GCN1: variants seen among roughly 807,000 people sequenced by gnomAD.
GCN1 encodes GCN1 activator of EIF2AK4.
Under a neutral mutation model 288.4 loss-of-function variants are expected in GCN1, and 90 were observed. That is an observed-to-expected ratio of 0.31 (90% CI 0.26 to 0.37). The LOEUF is 0.37. Among genes scored for constraint, GCN1 ranks in the 10% least tolerant of loss-of-function variants. GCN1 has a pLI of 1.00. For missense variants in GCN1, 2,586 were observed against 3,419.9 expected, an observed-to-expected ratio of 0.76 and a Z score of 6.08; for synonymous variants, 1,386 against 1,420.2, an observed-to-expected ratio of 0.98 and a Z score of 0.54.
intron 38 of GCN1, 123 bp downstream of exon 38, chr12:120,146,929 C>T (rs1877381728): frequency 1.8e-6 from 1 of 549,346 alleles, no homozygotes; most frequent in Admixed American, 3.6e-5. Context: ...CATTTCTCCC[C>T]ATAAAAATAA....
rs1877726988 is a variant in GCN1, at chr12:120,155,776, C to T, written c.3313-57G>A. On this transcript the variant is annotated intron_variant, in intron 28 of 57. Coordinates refer to ENST00000300648, the MANE Select transcript of GCN1 (RefSeq NM_006836.2). This position sits in a 1 kb window ranked among gnomAD's most constrained non-coding sequence, Gnocchi z 4.9. ...ATCATCTTTCAGAAGAGCCTCTGAC[C>T]TGCCTCCTCACCTCTCTCTAGGTTG... 3.2e-6 allele frequency: 5 copies of T among 1,583,302 alleles called. No individual in the cohort carries two copies. In the Admixed American group the frequency reaches 6.7e-5, roughly 21 times the overall value.
Position 120,156,796 on chromosome 12 carries a change from T to A in GCN1, c.3168+116A>T. The A allele has an allele frequency of 1.1e-6, 1 of 951,206 alleles. No homozygotes were observed. Among genetic ancestry groups the A allele is most frequent in the Non-Finnish European group, 1.7e-6 (1 of 594,556 alleles). The allele number at this position is 951,206 out of a possible 1,614,324, so 58.9% of individuals were successfully genotyped here. A position where few individuals can be genotyped will look rare whatever the true frequency, so the allele number is the denominator to read the frequency against. On this transcript the variant is annotated intron_variant, in intron 27 of 57. Transcript: ENST00000300648. This position sits in a 1 kb window ranked among gnomAD's most constrained non-coding sequence, Gnocchi z 5.8. ...GGCTGGCTCTCTAAAGCAGTCTTTC[T>A]ACCAAAGTCCAAAAGTAAGGGCTGA... is the stretch of plus-strand genomic sequence containing the variant.
intron 16 of GCN1, among the ~76,000 whole-genome samples, chr12:120,167,096 T>C (rs1878154511): frequency 6.6e-6 from 1 of 151,732 alleles, no homozygotes; most frequent in Non-Finnish European, 1.5e-5. Flanking sequence ...TCCCAGCACT[T>C]TGGGAGGCCG....
chr12:120,173,624 C>T (rs759637500), intron 14 of GCN1, 29 bp downstream of exon 14: 25 of 1,445,502 alleles, frequency 1.7e-5, no homozygotes, highest in Non-Finnish European at 2.1e-5. Context: ...GCAAGGAGAC[C>T]TGGACACTAG....
intron 12 of GCN1, 44 bp from the exon 13 acceptor site, chr12:120,174,213 C>G: frequency 8.8e-7 from 1 of 1,132,252 alleles, no homozygotes; most frequent in South Asian, 1.2e-5. Flanking sequence ...AGCACAGAAC[C>G]ACAGAGGCAA....
At chr12:120,161,196 A>G in intron 22 of GCN1, among the ~76,000 whole-genome samples, 1 of 152,166 alleles carries the variant, frequency 6.6e-6, no homozygotes, top group East Asian at 1.9e-4. Flanking sequence ...TCTTCAAGGA[A>G]GTGGAGGGAC....
chr12:120,184,639 T>C (rs1878765755), intron 3 of GCN1, among the ~76,000 whole-genome samples, 185 bp downstream of exon 3: 1 of 152,140 alleles, frequency 6.6e-6, no homozygotes, highest in Non-Finnish European at 1.5e-5. Context: ...ACCATCCCCA[T>C]TCTGCAGACA....
Position 120,142,158 on chromosome 12 carries a change from CTACTAAAA to C in GCN1, c.5829+341_5829+348del, listed in dbSNP as rs1351304267. Reference sequence around the variant, plus strand: ...TGGCTAACGTGCTGAAACCCCGTCTCTACTAAAAATATAAAAAAATGGCCAGGTGTGGT... The same window carrying C: ...TGGCTAACGTGCTGAAACCCCGTCTCATATAAAAAAATGGCCAGGTGTGGT... On this transcript the variant is annotated intron_variant, in intron 44 of 57. Coordinates refer to ENST00000300648, the MANE Select transcript of GCN1 (RefSeq NM_006836.2). This position sits in a 1 kb window ranked among gnomAD's most constrained non-coding sequence, Gnocchi z 4.9. 1.3e-5 allele frequency among the ~76,000 whole-genome samples: 2 copies of C among 151,948 alleles called. No individual in the cohort carries two copies. Among genetic ancestry groups the C allele is most frequent in the Non-Finnish European group, 2.9e-5 (2 of 68,012 alleles).
Position 120,142,428 on chromosome 12 carries a change from G to C in GCN1, c.5829+79C>G. On this transcript the variant is annotated intron_variant, in intron 44 of 57. Coordinates refer to ENST00000300648, the MANE Select transcript of GCN1 (RefSeq NM_006836.2). The surrounding 1 kb of genome is among the most constrained non-coding windows in gnomAD (Gnocchi z 4.9). ...GGCAGGGTGGATGGGTACTTTCCCA[G>C]GCTCTGCAGACCCAGCCTTCTAGGC... 3 of 1,005,022 alleles carry C rather than the reference G, an allele frequency of 3.0e-6. No individual in the cohort carries two copies. The highest frequency in any genetic ancestry group is 4.7e-6 in the Non-Finnish European group (3 of 633,124). The allele number at this position is 1,005,022 out of a possible 1,614,324, so 62.3% of individuals were successfully genotyped here. A position where few individuals can be genotyped will look rare whatever the true frequency, so the allele number is the denominator to read the frequency against.
chr12:120,151,302 C>G lies in GCN1; in HGVS notation c.4152G>C (p.Gln1384His). Reference protein sequence around the residue: ...AGGMIQRLMQQLLESDKYAER... With the variant: ...AGGMIQRLMQHLLESDKYAER... ...CTGCGTACTTGTCTGACTCCAGCAG[C>G]TGCTGCATAAGCCTCTGGATCATCC... The change falls in exon 34 of 58, where the codon CAG becomes CAC. Residue 1384 changes from glutamine to histidine, a missense_variant. Coordinates refer to ENST00000300648, the MANE Select transcript of GCN1 (RefSeq NM_006836.2). 1 of 1,614,188 alleles carries G rather than the reference C, an allele frequency of 6.2e-7. No individual in the cohort carries two copies. The highest frequency in any genetic ancestry group is 8.5e-7 in the Non-Finnish European group (1 of 1,180,032).
At chr12:120,191,548 C>T (rs562661419) in intron 1 of GCN1, among the ~76,000 whole-genome samples, 2 of 152,160 alleles carry the variant, frequency 1.3e-5, no homozygotes, top group Non-Finnish European at 2.9e-5. Flanking sequence ...CAGGCCTTAT[C>T]AGTAGCGTAA....
At chr12:120,147,660 T>C (rs745894861) in intron 37 of GCN1, among the ~76,000 whole-genome samples, 3 of 152,238 alleles carry the variant, frequency 2.0e-5, no homozygotes, top group Non-Finnish European at 4.4e-5. Flanking sequence ...AATTTTGTTT[T>C]ATGTATTTTG....
chr12:120,189,557 C>T (rs1299924353), intron 2 of GCN1, among the ~76,000 whole-genome samples: 12 of 151,548 alleles, frequency 7.9e-5, no homozygotes, highest in Admixed American at 5.3e-4. Context: ...TTAATAGAGA[C>T]GGGGTTTCAC....
intron 2 of GCN1, among the ~76,000 whole-genome samples, chr12:120,188,980 T>G (rs569506537): frequency 6.6e-6 from 1 of 152,330 alleles, no homozygotes; most frequent in South Asian, 2.1e-4. Context: ...AAACTCTCCA[T>G]GAACCCAAAA....
chr12:120,152,637 GCACACACA>G (rs60288659), intron 33 of GCN1, among the ~76,000 whole-genome samples: 5 of 107,316 alleles, frequency 4.7e-5, no homozygotes, highest in African/African-American at 1.5e-4. Flanking sequence ...ACACACACGC[GCACACACA>G]CACACACACA....
Position 120,151,258 on chromosome 12 carries a change from T to C in GCN1, c.4196A>G (p.Tyr1399Cys), listed in dbSNP as rs748844667. Residue 1399 changes from tyrosine to cysteine, a missense_variant, in exon 34 of 58, where the codon TAT (tyrosine) becomes TGT (cysteine). Around this residue, in one of 8 missense-constraint regions of GCN1, gnomAD observed 332 missense variants for 403.0 expected, o/e 0.82. Coordinates refer to ENST00000300648, the MANE Select transcript of GCN1 (RefSeq NM_006836.2). Reference protein sequence around the residue: ...DKYAERKGAAYGLAGLVKGLG... With the variant: ...DKYAERKGAACGLAGLVKGLG... ...GCCCTTCACCAGGCCCGCCAGGCCA[T>C]AGGCGGCCCCTTTGCGCTCTGCGTA... 21 of 1,614,090 alleles carry C rather than the reference T, an allele frequency of 1.3e-5. No homozygotes were observed. Among genetic ancestry groups the C allele is most frequent in the Admixed American group, 1.7e-5 (1 of 60,012 alleles).
rs572855533 is a variant in GCN1 at position 120,177,338 on chromosome 12, C to T, written c.838+109G>A. The T allele has an allele frequency of 3.4e-5, 22 of 640,038 alleles. No individual in the cohort carries two copies. In the African/African-American group the frequency reaches 4.0e-4, roughly 12 times the overall value. 39.6% of individuals were successfully genotyped at this position (640,038 alleles called of 1,614,324 possible). A position where few individuals can be genotyped will look rare whatever the true frequency, so the allele number is the denominator to read the frequency against. On this transcript the variant is annotated intron_variant, in intron 9 of 57. Coordinates refer to ENST00000300648, the MANE Select transcript of GCN1 (RefSeq NM_006836.2). ...GTCCCAACAAGGTAAACAATGAATACATCCCCCTTCCCTCCCCCCTACCAC... is the reference window on the plus strand; with the variant it reads ...GTCCCAACAAGGTAAACAATGAATATATCCCCCTTCCCTCCCCCCTACCAC...
In GCN1 at chr12:120,144,252, A is replaced by G; in HGVS notation, c.5495+54T>C. Reference sequence around the variant, plus strand: ...CGGCTTTCCAGAGTGCTCGGATTATAGGCATGAGCCACCACGCATCATCCC... The same window carrying G: ...CGGCTTTCCAGAGTGCTCGGATTATGGGCATGAGCCACCACGCATCATCCC... On this transcript the variant is annotated intron_variant, in intron 42 of 57. Coordinates refer to ENST00000300648, the MANE Select transcript of GCN1 (RefSeq NM_006836.2). This position sits in a 1 kb window ranked among gnomAD's most constrained non-coding sequence, Gnocchi z 4.7. The G allele has an allele frequency of 6.3e-7, 1 of 1,596,488 alleles. No homozygotes were observed. The highest frequency in any genetic ancestry group is 8.6e-7 in the Non-Finnish European group (1 of 1,164,258).
intron 3 of GCN1, 134 bp downstream of exon 3, chr12:120,184,690 A>T: frequency 1.4e-6 from 1 of 719,914 alleles, no homozygotes; most frequent in Non-Finnish European, 2.5e-6. Flanking sequence ...CTTGCCCAGG[A>T]TCTAATGGCT....
Sources: gnomAD v4.1 joint callset for allele counts (sites outside exome capture counted in the v4.1 genomes callset) on GRCh38, gnomAD v4.1.1 for gene constraint, gnomAD v4.1.1 regional missense constraint, Gnocchi (gnomAD v3.1) non-coding constraint, MANE v1.5 for transcripts, NCBI Gene and HGNC (gene_info 2026-07-23, HGNC 2026-07-21) for gene names.